PAK3: variants seen among roughly 807,000 people sequenced by gnomAD.
The protein encoded by PAK3 is serine/threonine-protein kinase PAK 3.
PAK3 carries 4 observed loss-of-function variants against 41.0 expected under a neutral mutation model. The ratio of observed to expected loss-of-function variants is 0.10; its 90% confidence interval spans 0.05 to 0.22. PAK3 has a LOEUF of 0.22. Among genes scored for constraint, PAK3 ranks in the 10% least tolerant of loss-of-function variants. The pLI is 1.00. For missense variants in PAK3, 205 were observed against 409.9 expected (o/e 0.50, Z 4.32); for synonymous variants, 146 against 139.6 (o/e 1.05, Z -0.32).
intron 9 of PAK3, among the ~76,000 whole-genome samples, 168 bp from the exon 10 acceptor site, chrX:111,163,394 T>C (rs1238822316): frequency 7.2e-5 from 8 of 111,057 alleles, no homozygotes; most frequent in African/African-American, 2.6e-4. Context: ...ATCCAAAGAC[T>C]AGCTCCCATG....
intron 1 of PAK3, among the ~76,000 whole-genome samples, chrX:111,071,850 T>A (rs1274161116): frequency 8.9e-6 from 1 of 112,023 alleles, no homozygotes; most frequent in Admixed American, 9.5e-5. Flanking sequence ...TCCCATTAAG[T>A]TTCTCAGTTT....
At chrX:111,060,335 AT>A (rs1308939973) in intron 1 of PAK3, among the ~76,000 whole-genome samples, 1 of 111,129 alleles carries the variant, frequency 9.0e-6, no homozygotes, top group African/African-American at 3.3e-5. Context: ...ATTTGCTACT[AT>A]TTTGTTGAGG....
In PAK3 at chrX:111,026,226, TC is replaced by T. The variant is rs1408941212; in HGVS notation, c.-28+81603del. ...ACTGAATGGGGAAAAGCTGAAACAT[TC>T]CCCCTGATAACTGGAACAAGATAAG... On this transcript the variant is annotated intron_variant, in intron 1 of 14. Coordinates refer to the PAK3 transcript ENST00000425146. 2.7e-5 allele frequency among the ~76,000 whole-genome samples: 3 copies of T among 111,259 alleles called. No homozygotes were observed. The Admixed American group carries it at 2.9e-4, about 11-fold the overall frequency.
At position 111,078,543 on chromosome X, in the gene PAK3, C is replaced by A. The variant is rs1177370691; in HGVS notation, c.-27-44534C>A. On this transcript the variant is annotated intron_variant, in intron 1 of 14. Coordinates refer to the PAK3 transcript ENST00000425146. ...AATGTTGTGTATGTTCTGACTGCTCCACCAACCAGCTGTCCTCCCATCTCT... is the reference window on the plus strand; with the variant it reads ...AATGTTGTGTATGTTCTGACTGCTCAACCAACCAGCTGTCCTCCCATCTCT... 4.5e-5 allele frequency among the ~76,000 whole-genome samples: 5 copies of A among 110,856 alleles called. No homozygotes were observed. In the Admixed American group the frequency reaches 4.8e-4, roughly 11 times the overall value.
intron 1 of PAK3, among the ~76,000 whole-genome samples, chrX:110,961,004 A>AT (rs927776069): frequency 4.5e-5 from 5 of 110,654 alleles, no homozygotes; most frequent in African/African-American, 9.9e-5. Flanking sequence ...GTGTCAATAT[A>AT]TTTTTTTTCC....
At chrX:111,152,995 T>C (rs1217043408) in intron 8 of PAK3, among the ~76,000 whole-genome samples, 2 of 111,937 alleles carry the variant, frequency 1.8e-5, no homozygotes, top group Non-Finnish European at 3.8e-5. Flanking sequence ...AGTTGCTAGC[T>C]ATTACAAATT....
intron 5 of PAK3, among the ~76,000 whole-genome samples, chrX:111,125,171 T>G (rs1024155706): frequency 2.7e-5 from 3 of 112,115 alleles, no homozygotes; most frequent in Non-Finnish European, 5.6e-5. Flanking sequence ...GCTTTTGATT[T>G]TTAATGGGTT....
At chrX:111,180,612 A>T (rs1023805247) in intron 11 of PAK3, among the ~76,000 whole-genome samples, 1 of 111,896 alleles carries the variant, frequency 8.9e-6, no homozygotes, top group East Asian at 2.8e-4. Flanking sequence ...ATTTGGGTAT[A>T]TATGGTGCAT....
intron 6 of PAK3, chrX:111,144,855 T>G: frequency 8.9e-7 from 1 of 1,122,582 alleles, no homozygotes; most frequent in Non-Finnish European, 1.2e-6. Context: ...TCCCAAATAC[T>G]TCAGAACTCC....
chrX:111,084,126 A>G (rs1185486994), intron 1 of PAK3, among the ~76,000 whole-genome samples: 2 of 112,803 alleles, frequency 1.8e-5, no homozygotes, highest in Non-Finnish European at 3.7e-5. Flanking sequence ...CAACAACCCT[A>G]TAGTGTGCTG....
intron 1 of PAK3, among the ~76,000 whole-genome samples, chrX:110,947,407 G>A (rs2090640459): frequency 9.0e-6 from 1 of 111,341 alleles, no homozygotes; most frequent in South Asian, 3.8e-4. Flanking sequence ...GGGCTGGAAT[G>A]GAATCGATCT....
intron 7 of PAK3, among the ~76,000 whole-genome samples, chrX:111,150,650 C>A (rs150079347): frequency 8.1e-5 from 9 of 111,126 alleles, no homozygotes; most frequent in Middle Eastern, 4.6e-3. Flanking sequence ...TGGGAAAGAC[C>A]GGCCACTATA....
chrX:111,173,175 T>C lies in PAK3; in HGVS notation c.830+94T>C. Reference sequence around the variant, plus strand: ...AAGAGCTTGGGTTTCTGGTAAATTATGCTTCTCATTTCCTAGATTATATTT... The same window carrying C: ...AAGAGCTTGGGTTTCTGGTAAATTACGCTTCTCATTTCCTAGATTATATTT... On this transcript the variant is annotated intron_variant, in intron 11 of 17. Coordinates refer to ENST00000372007, the MANE Select transcript of PAK3 (RefSeq NM_002578.5). The C allele has an allele frequency of 1.4e-5, 7 of 515,330 alleles. No individual in the cohort carries two copies. In the South Asian group the frequency reaches 1.9e-4, roughly 14 times the overall value. The allele number at this position is 515,330 out of a possible 1,213,427, so 42.5% of individuals were successfully genotyped here.
At chrX:111,058,451 T>G (rs991480797) in intron 1 of PAK3, among the ~76,000 whole-genome samples, 4 of 111,833 alleles carry the variant, frequency 3.6e-5, no homozygotes, top group African/African-American at 1.3e-4. Context: ...TTGAATATCT[T>G]TTTGTAGTTT....
intron 1 of PAK3, among the ~76,000 whole-genome samples, chrX:110,966,243 G>T (rs2091079160): frequency 9.0e-6 from 1 of 111,513 alleles, no homozygotes; most frequent in Non-Finnish European, 1.9e-5. Context: ...ATACACAAAG[G>T]AGGGTAGGAC....
chrX:111,208,853 A>G (rs1016088850), intron 16 of PAK3, among the ~76,000 whole-genome samples: 2 of 111,609 alleles, frequency 1.8e-5, no homozygotes, highest in Admixed American at 9.5e-5. Flanking sequence ...CATAGGTTTT[A>G]TATGAGGAAC....
chrX:111,112,339 C>T (rs1458633407), intron 4 of PAK3, among the ~76,000 whole-genome samples: 4 of 110,135 alleles, frequency 3.6e-5, no homozygotes, highest in Non-Finnish European at 5.7e-5. Context: ...CTGTACTTCC[C>T]CTGTGAAGCC....
rs766802074 is a variant in PAK3 at position 111,195,821 on chromosome X, CT to C, written c.1111-13del. 2.4e-5 allele frequency: 24 copies of C among 1,009,166 alleles called. No individual in the cohort carries two copies. The highest frequency in any genetic ancestry group is 3.8e-5 in the African/African-American group (2 of 53,286). 83.2% of individuals were successfully genotyped at this position (1,009,166 alleles called of 1,213,427 possible). A position where few individuals can be genotyped will look rare whatever the true frequency, so the allele number is the denominator to read the frequency against. ...AAAATTATTTGTGATATAATTAGAA[CT>C]TTTTTTTCTGATTTAATAGTGCCTG... On this transcript the variant is annotated intron_variant, in intron 14 of 17. Coordinates refer to ENST00000372007, the MANE Select transcript of PAK3 (RefSeq NM_002578.5).
chrX:110,983,651 A>G (rs1440344564), intron 1 of PAK3, among the ~76,000 whole-genome samples: 1 of 110,927 alleles, frequency 9.0e-6, no homozygotes, highest in Admixed American at 9.6e-5. Context: ...CGAGGTGAAG[A>G]TACGTATCAG....
Sources: gnomAD v4.1 joint callset for allele counts (sites outside exome capture counted in the v4.1 genomes callset) on GRCh38, gnomAD v4.1.1 for gene constraint, MANE v1.5 for transcripts, NCBI Gene and HGNC (gene_info 2026-07-23, HGNC 2026-07-21) for gene names.